The following ANO4 variants were observed in gnomAD, a reference collection of about 807,000 sequenced individuals.
ANO4 encodes anoctamin-4.
A neutral mutation model predicts 141.9 loss-of-function variants in ANO4; 69 were observed. The ratio of observed to expected loss-of-function variants is 0.49; its 90% CI spans 0.40 to 0.59. ANO4 has a LOEUF of 0.59. Among genes scored for constraint, ANO4 ranks in the 20% least tolerant of loss-of-function variants. ANO4 has a pLI of 0.00. For synonymous variants in ANO4, 350 were observed against 394.3 expected, an observed-to-expected ratio of 0.89 and a Z score of 1.33; for missense variants, 894 against 1,162.2, an observed-to-expected ratio of 0.77 and a Z score of 3.36.
intron 1 of ANO4, among the ~76,000 whole-genome samples, chr12:100,855,386 T>C (rs1392669063): frequency 6.6e-6 from 1 of 152,182 alleles, no homozygotes; most frequent in East Asian, 1.9e-4. Flanking sequence ...GTCAAAATGA[T>C]CTATTTTTAT....
chr12:100,756,522 G>A (rs1164552012), intron 3 of ANO4, among the ~76,000 whole-genome samples: 7 of 151,988 alleles, frequency 4.6e-5, no homozygotes, highest in Non-Finnish European at 1.0e-4. Context: ...GCTAATTTTT[G>A]TATTTTTAGT....
intron 1 of ANO4, among the ~76,000 whole-genome samples, chr12:100,800,831 G>A (rs7958009): frequency 0.38 from 57,611 of 152,096 alleles, 11,596 homozygotes; most frequent in Middle Eastern, 0.52. Context: ...TGGTTCCGAA[G>A]TTCCATGGAA....
Position 101,073,097 on chromosome 12 carries a change from G to A in ANO4, c.1313-6096G>A, listed in dbSNP as rs146496437. On this transcript the variant is annotated intron_variant, in intron 14 of 27. Transcript: ENST00000392977. ...TCCCATTACTGGGTATGTACCCAAA[G>A]GATTATAAATCATGCTACTGTAAAG... Among the ~76,000 whole-genome samples, 318 of 152,240 alleles carry A rather than the reference G, an allele frequency of 2.1e-3. 3 individuals are homozygous for A. The highest frequency in any genetic ancestry group is 7.1e-3 in the African/African-American group (295 of 41,550).
intron 3 of ANO4, among the ~76,000 whole-genome samples, chr12:100,754,019 C>G (rs768420522): frequency 9.2e-5 from 14 of 152,164 alleles, no homozygotes; most frequent in Non-Finnish European, 1.9e-4. Context: ...AGTTCTTTTG[C>G]TCTTGTGAAT....
intron 26 of ANO4, among the ~76,000 whole-genome samples, 191 bp from the exon 27 acceptor site, chr12:101,126,688 T>C (rs1471651699): frequency 1.3e-5 from 2 of 152,184 alleles, no homozygotes; most frequent in African/African-American, 4.8e-5. Flanking sequence ...CTCCTCTTTC[T>C]ATTCCTTAGG....
chr12:100,726,389 C>T (rs1245675742), intron 1 of ANO4, among the ~76,000 whole-genome samples: 1 of 152,152 alleles, frequency 6.6e-6, no homozygotes, highest in Admixed American at 6.5e-5. Flanking sequence ...TGTGTTTCTC[C>T]CTTCCTGATT....
intron 9 of ANO4, among the ~76,000 whole-genome samples, chr12:101,020,588 T>C (rs2046486152): frequency 6.6e-6 from 1 of 152,200 alleles, no homozygotes; most frequent in Non-Finnish European, 1.5e-5. Context: ...CAAGCTTCAC[T>C]GAGAAGCTGA....
chr12:101,116,772 C>A lies in ANO4; in HGVS notation c.2544C>A (p.Phe848Leu). ...RSEPESDGSE[F>L]SGTPLKYCRY... ...AGCCTGAATCTGATGGCAGTGAGTT[C>A]TCGGGGACTCCTCTTAAGTACTGCA... is the stretch of plus-strand genomic sequence containing the variant. Residue 848 changes from phenylalanine (F) to leucine (L), a missense_variant, in exon 25 of 28, where the codon TTC (phenylalanine) becomes TTA (leucine). By Grantham distance (22) the Phe-to-Leu change is conservative. Coordinates refer to ENST00000392977, the MANE Select transcript of ANO4 (RefSeq NM_001286615.2). The A allele has an allele frequency of 6.2e-7, 1 of 1,614,118 alleles. No individual in the cohort carries two copies. The highest frequency in any genetic ancestry group is 8.5e-7 in the Non-Finnish European group (1 of 1,180,008).
intron 8 of ANO4, among the ~76,000 whole-genome samples, chr12:100,998,379 T>TTATCTATCTGTC (rs2045483382): frequency 1.3e-5 from 2 of 148,766 alleles, no homozygotes; most frequent in African/African-American, 5.0e-5. Context: ...AAACTCCCCT[T>TTATCTATCTGTC]TATCTATCTA....
At chr12:100,779,599 G>T (rs1283087362) in intron 3 of ANO4, among the ~76,000 whole-genome samples, 4 of 152,132 alleles carry the variant, frequency 2.6e-5, no homozygotes, top group African/African-American at 9.7e-5. Flanking sequence ...AGCCACTGTT[G>T]TAGGTGGCTC....
intron 9 of ANO4, among the ~76,000 whole-genome samples, chr12:101,030,326 T>C (rs914319754): frequency 2.6e-5 from 4 of 152,090 alleles, no homozygotes; most frequent in African/African-American, 9.7e-5. Flanking sequence ...AAGAAACTTA[T>C]TAAAAACCAC....
intron 2 of ANO4, among the ~76,000 whole-genome samples, chr12:100,910,110 A>G (rs1271925223): frequency 1.3e-5 from 2 of 152,192 alleles, no homozygotes; most frequent in Admixed American, 6.5e-5. Context: ...ATTGTAATGT[A>G]TTATGTCTGG....
intron 3 of ANO4, among the ~76,000 whole-genome samples, chr12:100,747,985 C>T (rs577411242): frequency 1.3e-5 from 2 of 152,304 alleles, no homozygotes; most frequent in South Asian, 2.1e-4. Context: ...TGTTCCAGAT[C>T]ACTTCCCAGG....
At chr12:101,068,634 AG>A (rs1419295786) in intron 14 of ANO4, 2 of 1,363,400 alleles carry the variant, frequency 1.5e-6, no homozygotes, top group East Asian at 4.6e-5. Context: ...TTAAGGAGGT[AG>A]ATGACTTCTT....
At chr12:101,006,241 G>T (rs1204006575) in intron 8 of ANO4, among the ~76,000 whole-genome samples, 1 of 152,062 alleles carries the variant, frequency 6.6e-6, no homozygotes, top group Non-Finnish European at 1.5e-5. Context: ...GGAGTAAAAT[G>T]ATCCTATTAT....
chr12:100,893,799 T>C (rs1161348915), intron 1 of ANO4, among the ~76,000 whole-genome samples: 2 of 152,068 alleles, frequency 1.3e-5, no homozygotes, highest in East Asian at 3.8e-4. Flanking sequence ...GAAGTCCTGA[T>C]AGAATTTGGT....
At chr12:101,036,759 G>A (rs924355452) in intron 9 of ANO4, among the ~76,000 whole-genome samples, 1 of 152,108 alleles carries the variant, frequency 6.6e-6, no homozygotes, top group African/African-American at 2.4e-5. Context: ...ATGAGTTCTG[G>A]GGATCTAATG....
chr12:101,042,611 G>A, intron 12 of ANO4, 143 bp downstream of exon 12: 1 of 1,135,338 alleles, frequency 8.8e-7, no homozygotes, highest in Non-Finnish European at 1.2e-6. Flanking sequence ...CAAAGTTTCA[G>A]TTCACTAGGA....
At chr12:100,746,579 C>T (rs2135485401) in intron 3 of ANO4, among the ~76,000 whole-genome samples, 1 of 152,256 alleles carries the variant, frequency 6.6e-6, no homozygotes, top group South Asian at 2.1e-4. Flanking sequence ...TCACAGGGGA[C>T]ATTTGGCAAT....
Sources: allele counts gnomAD v4.1 joint callset (sites outside exome capture counted in the v4.1 genomes callset), GRCh38; gene constraint gnomAD v4.1.1; transcripts MANE v1.5; gene names NCBI Gene and HGNC (gene_info 2026-07-23, HGNC 2026-07-21).